The following TAFA2 variants were observed in gnomAD, a reference collection of about 807,000 sequenced individuals.
TAFA2 encodes the protein TAFA chemokine like family member 2, also known as chemokine-like protein TAFA-2.
Under a neutral mutation model 18.8 loss-of-function variants are expected in TAFA2, and 7 were observed. That is an observed-to-expected ratio of 0.37 (90% CI 0.21 to 0.70). The LOEUF (loss-of-function observed/expected upper bound fraction) is 0.70, where lower values mean the gene tolerates loss of function less well. Ranked by LOEUF, TAFA2 falls within the 30% of genes least tolerant of loss-of-function variation. The pLI is 0.53. For missense variants in TAFA2, 122 were observed against 158.1 expected, an observed-to-expected ratio of 0.77 and a Z score of 1.23; for synonymous variants, 60 against 54.2, an observed-to-expected ratio of 1.11 and a Z score of -0.47.
chr12:61,919,315 G>T (rs1002306813), intron 1 of TAFA2, among the ~76,000 whole-genome samples: 1 of 152,150 alleles, frequency 6.6e-6, no homozygotes, highest in South Asian at 2.1e-4. Flanking sequence ...CCCGCCCCTG[G>T]CCACTACCCC....
At chr12:62,096,072 T>G (rs1252374046) in intron 1 of TAFA2, among the ~76,000 whole-genome samples, 1 of 152,066 alleles carries the variant, frequency 6.6e-6, no homozygotes, top group African/African-American at 2.4e-5. Context: ...CCCATTACCA[T>G]AAAGCCAGCA....
At chr12:61,883,034 G>A (rs928839005) in intron 1 of TAFA2, among the ~76,000 whole-genome samples, 3 of 152,102 alleles carry the variant, frequency 2.0e-5, no homozygotes, top group Non-Finnish European at 4.4e-5. Context: ...TTTAACAAAC[G>A]TTATTAAACA....
chr12:61,715,207 T>G (rs1869592628), intron 4 of TAFA2, among the ~76,000 whole-genome samples: 1 of 152,206 alleles, frequency 6.6e-6, no homozygotes, highest in Non-Finnish European at 1.5e-5. Flanking sequence ...TTCTGTTGCT[T>G]ATAGTGATTC....
intron 2 of TAFA2, among the ~76,000 whole-genome samples, chr12:61,790,414 A>G (rs1245344620): frequency 6.6e-6 from 1 of 151,938 alleles, no homozygotes; most frequent in African/African-American, 2.4e-5. Context: ...ATCAGAAAGA[A>G]GAAAGTCAAA....
chr12:61,807,252 C>T (rs35150293), intron 2 of TAFA2, among the ~76,000 whole-genome samples: 16,951 of 151,262 alleles, frequency 0.11, 1,275 homozygotes, highest in East Asian at 0.19. Context: ...GGCTGAAATG[C>T]GCCAATGTAA....
chr12:62,098,061 G>C (rs1274940603), intron 1 of TAFA2, among the ~76,000 whole-genome samples: 1 of 152,138 alleles, frequency 6.6e-6, no homozygotes, highest in African/African-American at 2.4e-5. Context: ...CATTTTGGAA[G>C]TGAAAACACA....
intron 1 of TAFA2, among the ~76,000 whole-genome samples, chr12:62,015,637 A>G (rs1880913066): frequency 6.6e-6 from 1 of 152,206 alleles, no homozygotes; most frequent in African/African-American, 2.4e-5. Context: ...TGATGTGATA[A>G]TGAAATTTAA....
At chr12:62,022,948 C>T (rs1881194222) in intron 1 of TAFA2, among the ~76,000 whole-genome samples, 1 of 152,132 alleles carries the variant, frequency 6.6e-6, no homozygotes, top group South Asian at 2.1e-4. Context: ...CACTGTTTCC[C>T]CCTCTGCCTA....
In TAFA2 at chr12:61,833,189, T is replaced by C. The variant is rs556393283; in HGVS notation, c.106+34131A>G. On this transcript the variant is annotated intron_variant, in intron 2 of 4. Coordinates refer to ENST00000416284, the MANE Select transcript of TAFA2 (RefSeq NM_178539.5). Reference sequence around the variant, plus strand: ...TCCACTAGATGAAGCCAAAGAAATATGAATGGAAATAACATGTCATGAACC... The same window carrying C: ...TCCACTAGATGAAGCCAAAGAAATACGAATGGAAATAACATGTCATGAACC... Among the ~76,000 whole-genome samples the C allele has an allele frequency of 5.3e-5, 8 of 151,422 alleles. No individual in the cohort carries two copies. In the East Asian group the frequency reaches 1.6e-3, roughly 29 times the overall value.
intron 1 of TAFA2, among the ~76,000 whole-genome samples, chr12:61,981,737 T>A (rs1048449002): frequency 1.3e-5 from 2 of 152,162 alleles, no homozygotes; most frequent in Non-Finnish European, 2.9e-5. Context: ...ATCAGAGAAA[T>A]GCAAATCAAA....
chr12:61,733,814 G>T (rs1227647108), intron 4 of TAFA2, among the ~76,000 whole-genome samples: 9 of 152,042 alleles, frequency 5.9e-5, no homozygotes, highest in African/African-American at 9.7e-5. Flanking sequence ...GTGAAGAAAG[G>T]CATTGGTAGC....
chr12:61,896,288 A>C (rs1440906882), intron 1 of TAFA2, among the ~76,000 whole-genome samples: 1 of 152,220 alleles, frequency 6.6e-6, no homozygotes, highest in African/African-American at 2.4e-5. Context: ...AAATTCTGGA[A>C]TGAAAAAAAT....
Position 61,963,492 on chromosome 12 carries a change from T to C in TAFA2, c.-1-96066A>G, listed in dbSNP as rs192075909. ...TATGTTTGTTGGCTGCATAAATGTC[T>C]TCTTTTGAGAAGTGTCTGTTCATAT... On this transcript the variant is annotated intron_variant, in intron 1 of 4. Transcript: ENST00000416284. 7.9e-5 allele frequency among the ~76,000 whole-genome samples: 12 copies of C among 152,186 alleles called. 1 individual carries two copies. Among genetic ancestry groups the C allele is most frequent in the Admixed American group, 2.0e-4 (3 of 15,268 alleles).
chr12:62,119,502 A>G (rs909692347), intron 1 of TAFA2, among the ~76,000 whole-genome samples: 2 of 152,172 alleles, frequency 1.3e-5, no homozygotes, highest in African/African-American at 4.8e-5. Context: ...TAACCACAAT[A>G]TGGGAAAGGC....
intron 1 of TAFA2, among the ~76,000 whole-genome samples, chr12:62,090,024 T>C (rs1868642804): frequency 6.6e-6 from 1 of 152,060 alleles, no homozygotes; most frequent in Non-Finnish European, 1.5e-5. Context: ...CCAAATATTA[T>C]CAATTCTCAT....
At chr12:62,098,385 G>C (rs1869039155) in intron 1 of TAFA2, among the ~76,000 whole-genome samples, 1 of 152,138 alleles carries the variant, frequency 6.6e-6, no homozygotes, top group South Asian at 2.1e-4. Flanking sequence ...CGGATATGAA[G>C]AGAAAAAAGC....
chr12:62,148,757 C>T (rs1220261589), intron 1 of TAFA2, among the ~76,000 whole-genome samples: 2 of 152,186 alleles, frequency 1.3e-5, no homozygotes. Context: ...GGTTTTGTCT[C>T]ACTAATCTTG....
At chr12:62,202,178 A>T (rs2062673675) in intron 1 of TAFA2, among the ~76,000 whole-genome samples, 2 of 151,808 alleles carry the variant, frequency 1.3e-5, no homozygotes, top group South Asian at 4.2e-4. Context: ...AATTTTTTTC[A>T]AAAAACAAGC....
chr12:61,737,574 C>T (rs996079634), intron 4 of TAFA2, among the ~76,000 whole-genome samples: 2 of 151,510 alleles, frequency 1.3e-5, no homozygotes, highest in East Asian at 3.9e-4. Context: ...AATTGTGTGG[C>T]CCTGTTATTT....
Sources: allele counts gnomAD v4.1 joint callset (sites outside exome capture counted in the v4.1 genomes callset), GRCh38; gene constraint gnomAD v4.1.1; transcripts MANE v1.5; gene names NCBI Gene and HGNC (gene_info 2026-07-23, HGNC 2026-07-21).